Variants in ERI1 observed in about 807,000 individuals in gnomAD.
ERI1 encodes exoribonuclease 1.
ERI1 carries 39 observed loss-of-function variants against 39.7 expected under a neutral mutation model. That is an observed-to-expected ratio of 0.98 (90% CI 0.76 to 1.28). The LOEUF (loss-of-function observed/expected upper bound fraction) is 1.28. Ranked by LOEUF, ERI1 falls within the 50% of genes most tolerant of loss-of-function variation. The pLI, the probability that ERI1 is intolerant of heterozygous loss-of-function variation, is 0.00. For missense variants in ERI1, 581 were observed against 416.9 expected, an observed-to-expected ratio of 1.39 and a Z score of -3.43; for synonymous variants, 204 against 149.6, an observed-to-expected ratio of 1.36 and a Z score of -2.65.
intron 2 of ERI1, among the ~76,000 whole-genome samples, 164 bp from the exon 3 acceptor site, chr8:9,011,378 T>C (rs888490314): frequency 6.6e-6 from 1 of 152,230 alleles, no homozygotes; most frequent in Non-Finnish European, 1.5e-5. Flanking sequence ...AATTAGTTCT[T>C]TGCTAACTTA....
At chr8:9,059,642 AG>A (rs1268021385) in intron 3 of ERI1, among the ~76,000 whole-genome samples, 5 of 152,218 alleles carry the variant, frequency 3.3e-5, no homozygotes, top group Non-Finnish European at 7.3e-5. Flanking sequence ...AAGAATTGGG[AG>A]GACCTAGGAC....
rs1397355120 is a variant in ERI1 at position 9,031,384 on chromosome 8, A to C, written c.*1350A>C. On this transcript the variant is annotated 3_prime_UTR_variant, in exon 7 of 7. Coordinates refer to ENST00000250263, the MANE Select transcript of ERI1 (RefSeq NM_153332.4). ...CAGTAGTCATATAATCAGTATCATA[A>C]AGAATAATGTGTAAATAACAGAAGG... 1 of 152,194 alleles carries C rather than the reference A, an allele frequency of 6.6e-6. No homozygotes were observed. Among genetic ancestry groups the C allele is most frequent in the African/African-American group, 2.4e-5 (1 of 41,450 alleles). The allele number at this position is 152,194 out of a possible 1,614,324, so 9.4% of individuals were successfully genotyped here.
At chr8:9,061,483 T>C (rs1798694496) in intron 3 of ERI1, among the ~76,000 whole-genome samples, 1 of 152,210 alleles carries the variant, frequency 6.6e-6, no homozygotes, top group Non-Finnish European at 1.5e-5. Flanking sequence ...CCATAGTTTG[T>C]GATTTTAAAG....
chr8:9,036,797 G>C (rs1049202654), downstream of ERI1, among the ~76,000 whole-genome samples: 22 of 152,244 alleles, frequency 1.4e-4, no homozygotes, highest in African/African-American at 4.3e-4. Context: ...GATTGATGGA[G>C]GGCAGCGATT....
intron 6 of ERI1, among the ~76,000 whole-genome samples, chr8:9,023,604 C>A (rs1317263271): frequency 1.3e-5 from 2 of 151,648 alleles, no homozygotes; most frequent in Non-Finnish European, 2.9e-5. Flanking sequence ...TGTGGTTTTC[C>A]CCTCTTCGTA....
intron 3 of ERI1, among the ~76,000 whole-genome samples, chr8:9,096,399 A>C (rs942086891): frequency 1.3e-5 from 2 of 152,096 alleles, no homozygotes; most frequent in Admixed American, 6.6e-5. Context: ...GTTCTTCATC[A>C]AGGGATTGGC....
At chr8:9,038,518 G>A (rs569509801) in intron 3 of ERI1, among the ~76,000 whole-genome samples, 5 of 152,318 alleles carry the variant, frequency 3.3e-5, no homozygotes, top group South Asian at 2.1e-4. Context: ...CTAACACTTT[G>A]GGAGGCTGAG....
chr8:9,097,092 C>T (rs972545072), intron 3 of ERI1, among the ~76,000 whole-genome samples: 1 of 152,038 alleles, frequency 6.6e-6, no homozygotes, highest in Non-Finnish European at 1.5e-5. Context: ...TGGAAGTCCC[C>T]CTTTCTTCTC....
chr8:9,026,105 G>A (rs966142443), intron 6 of ERI1, among the ~76,000 whole-genome samples: 2 of 152,180 alleles, frequency 1.3e-5, no homozygotes, highest in African/African-American at 4.8e-5. Flanking sequence ...TCATGTACCT[G>A]TGTTTTGACT....
chr8:9,086,417 A>G (rs1466230576), intron 3 of ERI1, among the ~76,000 whole-genome samples: 1 of 151,898 alleles, frequency 6.6e-6, no homozygotes, highest in African/African-American at 2.4e-5. Context: ...GGGTGTGGTG[A>G]TGTGCACATG....
intron 3 of ERI1, among the ~76,000 whole-genome samples, chr8:9,085,847 C>T (rs75556221): frequency 0.031 from 4,650 of 152,112 alleles, 236 homozygotes; most frequent in African/African-American, 0.11. Flanking sequence ...GTCTGTGAGA[C>T]GCAGAACAGC....
In ERI1 at chr8:9,012,142, G is replaced by T. The variant is rs185008659; in HGVS notation, c.498+390G>T. Among the ~76,000 whole-genome samples the T allele has an allele frequency of 8.9e-3, 1,348 of 152,260 alleles. 20 individuals carry two copies. The highest frequency in any genetic ancestry group is 0.031 in the African/African-American group (1,294 of 41,552). ...GCATTTTTTTGAAGCTTTTCAGTTGGTTTTAATATGCGGTCAGGCTTGATA... is the reference window on the plus strand; with the variant it reads ...GCATTTTTTTGAAGCTTTTCAGTTGTTTTTAATATGCGGTCAGGCTTGATA... On this transcript the variant is annotated intron_variant, in intron 3 of 6. Coordinates refer to ENST00000250263, the MANE Select transcript of ERI1 (RefSeq NM_153332.4).
chr8:9,057,648 A>G (rs1417393395), intron 3 of ERI1, among the ~76,000 whole-genome samples: 1 of 152,228 alleles, frequency 6.6e-6, no homozygotes, highest in Non-Finnish European at 1.5e-5. Context: ...CGGACTGTAC[A>G]TTCTAGTGAG....
intron 1 of ERI1, among the ~76,000 whole-genome samples, chr8:9,003,470 G>T (rs895123454): frequency 6.6e-6 from 1 of 152,194 alleles, no homozygotes; most frequent in Non-Finnish European, 1.5e-5. Context: ...CACGGTTGCT[G>T]TTGTCACTCC....
At chr8:9,043,054 T>G (rs1043291786) in intron 3 of ERI1, among the ~76,000 whole-genome samples, 11 of 152,262 alleles carry the variant, frequency 7.2e-5, no homozygotes, top group Admixed American at 7.2e-4. Context: ...TGTTTGATTC[T>G]ACTCTTACGT....
intron 3 of ERI1, among the ~76,000 whole-genome samples, chr8:9,097,471 C>A (rs980822799): frequency 3.8e-4 from 58 of 152,128 alleles, no homozygotes; most frequent in African/African-American, 1.3e-3. Flanking sequence ...GAGTTCGAGA[C>A]CAGCCTGGCC....
At chr8:9,093,273 T>C (rs78753424) in intron 3 of ERI1, among the ~76,000 whole-genome samples, 4,017 of 152,162 alleles carry the variant, frequency 0.026, 162 homozygotes, top group South Asian at 0.11. Flanking sequence ...ATCTTAACGT[T>C]TTAAGAAAGT....
chr8:9,037,055 A>G (rs530664192), downstream of ERI1, among the ~76,000 whole-genome samples: 1 of 152,308 alleles, frequency 6.6e-6, no homozygotes, highest in South Asian at 2.1e-4. Context: ...AAAATTTAAC[A>G]GACTTCTCTC....
In ERI1 at chr8:9,030,427, T is replaced by C; in HGVS notation, c.*393T>C. The C allele has an allele frequency of 5.6e-6, 1 of 179,630 alleles. No homozygotes were observed. The highest frequency in any genetic ancestry group is 1.2e-5 in the Non-Finnish European group (1 of 81,984). 11.1% of individuals were successfully genotyped at this position (179,630 alleles called of 1,614,324 possible). ...TAACATCACTAGATGAAACCATATC[T>C]TAAAATGCAGAAATGATTGGAAGGT... On this transcript the variant is annotated 3_prime_UTR_variant, in exon 7 of 7. Transcript: ENST00000250263.
Sources: gnomAD v4.1 joint callset for allele counts (sites outside exome capture counted in the v4.1 genomes callset) on GRCh38, gnomAD v4.1.1 for gene constraint, MANE v1.5 for transcripts, NCBI Gene and HGNC (gene_info 2026-07-23, HGNC 2026-07-21) for gene names.